The following MACROD2 variants were observed in gnomAD, a reference collection of about 807,000 sequenced individuals.
MACROD2 encodes ADP-ribose glycohydrolase MACROD2.
In MACROD2, 36 loss-of-function variants were observed where a neutral mutation model predicts 70.4. That is an observed-to-expected ratio of 0.51 (90% CI 0.39 to 0.68). The LOEUF is 0.68. Among genes scored for constraint, MACROD2 ranks in the 30% least tolerant of loss-of-function variants. MACROD2 has a pLI of 0.00. For synonymous variants in MACROD2, 172 were observed against 178.8 expected (o/e 0.96, Z 0.30); for missense variants, 496 against 538.4 (o/e 0.92, Z 0.78).
intron 5 of MACROD2, among the ~76,000 whole-genome samples, chr20:15,132,304 C>CA (rs1238986113): frequency 7.3e-5 from 11 of 151,616 alleles, no homozygotes; most frequent in Non-Finnish European, 1.3e-4. Flanking sequence ...TCATGTCAGC[C>CA]ATTAAAAGAT....
At chr20:15,418,315 G>C (rs1471303523) in intron 6 of MACROD2, among the ~76,000 whole-genome samples, 1 of 152,164 alleles carries the variant, frequency 6.6e-6, no homozygotes, top group African/African-American at 2.4e-5. Context: ...TGATCTTCCA[G>C]TAAATATTGT....
At chr20:14,159,674 G>A (rs1206622341) in intron 3 of MACROD2, among the ~76,000 whole-genome samples, 3 of 151,998 alleles carry the variant, frequency 2.0e-5, no homozygotes, top group Non-Finnish European at 4.4e-5. Flanking sequence ...GGCAGAGAGG[G>A]GCAGTTTGAC....
chr20:15,559,242 A>G (rs1368730023), intron 8 of MACROD2, among the ~76,000 whole-genome samples: 1 of 151,266 alleles, frequency 6.6e-6, no homozygotes, highest in Non-Finnish European at 1.5e-5. Context: ...AAAAAAAAAA[A>G]AAAAAAAAAA....
chr20:14,690,962 G>A (rs955574368), intron 5 of MACROD2, among the ~76,000 whole-genome samples: 1 of 152,158 alleles, frequency 6.6e-6, no homozygotes, highest in African/African-American at 2.4e-5. Context: ...CTGTCGCCCA[G>A]GCTGGAGTGC....
chr20:15,597,558 A>G (rs1395257438), intron 8 of MACROD2, among the ~76,000 whole-genome samples: 1 of 152,166 alleles, frequency 6.6e-6, no homozygotes, highest in East Asian at 1.9e-4. Flanking sequence ...AAGATGATGA[A>G]ATAGAGCAGA....
At chr20:14,343,494 A>G (rs6110252) in intron 3 of MACROD2, among the ~76,000 whole-genome samples, 29,927 of 152,148 alleles carry the variant, frequency 0.2, 3,081 homozygotes, top group East Asian at 0.31. Context: ...GACTGAGTTG[A>G]AACCTGGGGA....
chr20:14,882,100 G>A (rs1456635484), intron 5 of MACROD2, among the ~76,000 whole-genome samples: 1 of 152,198 alleles, frequency 6.6e-6, no homozygotes, highest in African/African-American at 2.4e-5. Context: ...AAAGTAAGGA[G>A]TCAAGCTCAG....
intron 8 of MACROD2, among the ~76,000 whole-genome samples, chr20:15,656,409 T>C (rs1219054669): frequency 6.6e-6 from 1 of 152,236 alleles, no homozygotes; most frequent in Non-Finnish European, 1.5e-5. Flanking sequence ...TGGCTATCTT[T>C]CTTGCATCTC....
chr20:15,509,442 A>G (rs963927073), intron 8 of MACROD2, among the ~76,000 whole-genome samples: 2 of 152,180 alleles, frequency 1.3e-5, no homozygotes, highest in Admixed American at 1.3e-4. Flanking sequence ...AGGAGAGAGA[A>G]TGCAGTTTGC....
chr20:14,155,988 C>T (rs1236856695), intron 3 of MACROD2, among the ~76,000 whole-genome samples: 2 of 152,038 alleles, frequency 1.3e-5, no homozygotes, highest in Non-Finnish European at 2.9e-5. Flanking sequence ...ATGGCAAAAT[C>T]CTGTGTCTAC....
At chr20:15,144,771 C>A (rs184729970) in intron 5 of MACROD2, among the ~76,000 whole-genome samples, 4,007 of 152,232 alleles carry the variant, frequency 0.026, 69 homozygotes, top group Non-Finnish European at 0.042. Context: ...ATTTCTGAAC[C>A]AAATGGACAC....
intron 3 of MACROD2, among the ~76,000 whole-genome samples, chr20:14,394,551 T>A (rs6110272): frequency 0.024 from 3,605 of 152,272 alleles, 148 homozygotes; most frequent in African/African-American, 0.082. Context: ...CTTTCTTATA[T>A]GAATGCCTTT....
At chr20:14,807,620 A>G (rs777953247) in intron 5 of MACROD2, among the ~76,000 whole-genome samples, 8 of 152,136 alleles carry the variant, frequency 5.3e-5, no homozygotes, top group Non-Finnish European at 1.0e-4. Context: ...TAGGCTTCAG[A>G]AGGTGAGTAA....
rs145216149 is a variant in MACROD2, at chr20:14,116,715, G to A, written c.271+30987G>A. 9.9e-5 allele frequency among the ~76,000 whole-genome samples: 15 copies of A among 151,892 alleles called. No homozygotes were observed. The East Asian group carries it at 2.7e-3, about 27-fold the overall frequency. On this transcript the variant is annotated intron_variant, in intron 3 of 17. Transcript: ENST00000684519. ...TATACTTTTTTGTTTGCATTTTTATGACTTAGAACCCAGATTTGATGTGTT... is the reference window on the plus strand; with the variant it reads ...TATACTTTTTTGTTTGCATTTTTATAACTTAGAACCCAGATTTGATGTGTT...
intron 3 of MACROD2, among the ~76,000 whole-genome samples, chr20:14,146,177 C>G (rs1457650882): frequency 6.6e-6 from 1 of 152,046 alleles, no homozygotes; most frequent in African/African-American, 2.4e-5. Flanking sequence ...AAAAAATTAG[C>G]CGGGCGTGGT....
intron 8 of MACROD2, among the ~76,000 whole-genome samples, chr20:15,706,234 A>G (rs538213559): frequency 1.3e-5 from 2 of 152,230 alleles, no homozygotes; most frequent in Non-Finnish European, 1.5e-5. Context: ...GTCAGAATAT[A>G]TGACCTCTCC....
chr20:14,708,840 G>A (rs969056124), intron 5 of MACROD2, among the ~76,000 whole-genome samples: 5 of 152,094 alleles, frequency 3.3e-5, no homozygotes, highest in Non-Finnish European at 7.4e-5. Context: ...GGCTGGTCTC[G>A]AACTCCTGAC....
At chr20:14,740,903 G>A (rs1409200738) in intron 5 of MACROD2, among the ~76,000 whole-genome samples, 1 of 152,154 alleles carries the variant, frequency 6.6e-6, no homozygotes, top group Non-Finnish European at 1.5e-5. Flanking sequence ...ACTGGGTTGT[G>A]TGTGCTGTTG....
intron 9 of MACROD2, among the ~76,000 whole-genome samples, chr20:15,868,819 G>A (rs183441159): frequency 1.4e-4 from 21 of 152,094 alleles, no homozygotes; most frequent in Admixed American, 1.2e-3. Context: ...CTGTCATCTA[G>A]ACTGGAGCGC....
Sources: allele counts gnomAD v4.1 joint callset (sites outside exome capture counted in the v4.1 genomes callset), GRCh38; gene constraint gnomAD v4.1.1; transcripts MANE v1.5; gene names NCBI Gene and HGNC (gene_info 2026-07-23, HGNC 2026-07-21).